ADGRA3: variants seen among roughly 807,000 people sequenced by gnomAD.
The protein encoded by ADGRA3 is adhesion G protein-coupled receptor A3.
In ADGRA3, 56 loss-of-function variants were observed where a neutral mutation model predicts 119.8. The observed-to-expected ratio is 0.47, with a 90% CI of 0.38 to 0.58. The LOEUF is 0.58. ADGRA3 is among the 20% of genes least tolerant of loss of function. The pLI, the probability that ADGRA3 is intolerant of heterozygous loss-of-function variation, is 0.00. For missense variants in ADGRA3, 1,516 were observed against 1,649.0 expected (o/e 0.92, Z 1.40); for synonymous variants, 607 against 623.8 (o/e 0.97, Z 0.40).
At chr4:22,493,627 A>G (rs934605951) in intron 1 of ADGRA3, among the ~76,000 whole-genome samples, 14 of 152,066 alleles carry the variant, frequency 9.2e-5, no homozygotes, top group Admixed American at 7.9e-4. Context: ...AGGACTTTTT[A>G]CCGAAGGTGG....
At chr4:22,404,635 C>G (rs950415354) in intron 14 of ADGRA3, among the ~76,000 whole-genome samples, 3 of 152,172 alleles carry the variant, frequency 2.0e-5, no homozygotes, top group African/African-American at 7.2e-5. Context: ...CAGTTCCAAC[C>G]CTTGGAGGCC....
chr4:22,455,789 T>C (rs754038679), intron 3 of ADGRA3: 35 of 1,284,518 alleles, frequency 2.7e-5, no homozygotes, highest in Non-Finnish European at 3.4e-5. Flanking sequence ...AGATAACCAC[T>C]GACAATATCT....
chr4:22,511,895 C>CTTTTTTTTTTT (rs5856700), intron 1 of ADGRA3, among the ~76,000 whole-genome samples: 18 of 102,614 alleles, frequency 1.8e-4, no homozygotes, highest in Admixed American at 2.5e-4. Context: ...TTCTTTCTTT[C>CTTTTTTTTTTT]TTTTTTTTTT....
At position 22,424,176 on chromosome 4, in the gene ADGRA3, T is replaced by C; in HGVS notation, c.1605+15A>G. 1 of 1,595,958 alleles carries C rather than the reference T, an allele frequency of 6.3e-7. No individual in the cohort carries two copies. Among genetic ancestry groups the C allele is most frequent in the African/African-American group, 1.3e-5 (1 of 74,730 alleles). On this transcript the variant is annotated intron_variant, in intron 11 of 18. Transcript: ENST00000334304. ...CACTTTTTTTCTCAGGAGTCTATGA[T>C]AATGTTACACTTACTGTTGAATAAA...
Position 22,387,704 on chromosome 4 carries a change from G to A in ADGRA3, c.*1C>T. On this transcript the variant is annotated 3_prime_UTR_variant, in exon 19 of 19. Transcript: ENST00000334304. ...ATTTCTGCCTAGGAAGCCCAGCAAT[G>A]TTACACAGTAGTTTCGTGTTTCCAT... 1 of 1,596,900 alleles carries A rather than the reference G, an allele frequency of 6.3e-7. No homozygotes were observed. The highest frequency in any genetic ancestry group is 8.5e-7 in the Non-Finnish European group (1 of 1,169,776).
At chr4:22,402,450 C>A (rs975820078) in intron 15 of ADGRA3, among the ~76,000 whole-genome samples, 14 of 152,066 alleles carry the variant, frequency 9.2e-5, no homozygotes, top group Admixed American at 8.5e-4. Flanking sequence ...TAGATACAAA[C>A]CCAGCAAACT....
intron 1 of ADGRA3, among the ~76,000 whole-genome samples, chr4:22,502,503 G>A (rs1719082514): frequency 6.6e-6 from 1 of 152,128 alleles, no homozygotes; most frequent in African/African-American, 2.4e-5. Context: ...TGAAGAGGAT[G>A]GATTCAAGCT....
chr4:22,402,856 G>T, intron 14 of ADGRA3, 57 bp from the exon 15 acceptor site: 2 of 1,546,246 alleles, frequency 1.3e-6, no homozygotes, highest in South Asian at 1.2e-5. Flanking sequence ...TTTAACTACT[G>T]AGATTTTTTT....
intron 15 of ADGRA3, 30 bp from the exon 16 acceptor site, chr4:22,401,584 T>G (rs1372762486): frequency 1.3e-6 from 2 of 1,561,942 alleles, no homozygotes; most frequent in Admixed American, 3.4e-5. Context: ...AATATTAATA[T>G]TCAGGCTAGT....
Position 22,413,208 on chromosome 4 carries a change from A to T in ADGRA3, c.2206T>A (p.Ser736Thr). 6.2e-6 allele frequency: 10 copies of T among 1,613,684 alleles called. No homozygotes were observed. Among genetic ancestry groups the T allele is most frequent in the Non-Finnish European group, 8.5e-6 (10 of 1,179,618 alleles). Residue 736 changes from serine to threonine, a missense_variant, in exon 14 of 19, where the codon TCC becomes ACC. Transcript: ENST00000334304. ...ATTAAAACTGCATAGTTACTAAGGG[A>T]GTAGCACTGAATCGTAGTGATATTT... ...DENITTIQCY[S>T]LSNYAVLMDL...
chr4:22,424,475 C>T (rs1715851514), intron 10 of ADGRA3, 123 bp from the exon 11 acceptor site: 4 of 983,990 alleles, frequency 4.1e-6, no homozygotes, highest in South Asian at 3.4e-5. Flanking sequence ...GAGAACCCAA[C>T]AGGCACTTTA....
chr4:22,392,912 C>T (rs1285960193), intron 16 of ADGRA3: 1 of 464,988 alleles, frequency 2.2e-6, no homozygotes, highest in East Asian at 3.5e-5. Context: ...CTAGGAAGCC[C>T]ACAAACTACC....
At chr4:22,477,285 C>T (rs1436234214) in intron 1 of ADGRA3, among the ~76,000 whole-genome samples, 5 of 152,200 alleles carry the variant, frequency 3.3e-5, no homozygotes, top group Admixed American at 6.5e-5. Context: ...GTTTTAACTG[C>T]GACCCCACAA....
chr4:22,491,619 C>G (rs978874512), intron 1 of ADGRA3, among the ~76,000 whole-genome samples: 1 of 152,102 alleles, frequency 6.6e-6, no homozygotes, highest in Non-Finnish European at 1.5e-5. Flanking sequence ...TCTGATCATC[C>G]CGTACTGCCT....
intron 14 of ADGRA3, among the ~76,000 whole-genome samples, chr4:22,410,477 T>C (rs1442370113): frequency 6.6e-6 from 1 of 152,162 alleles, no homozygotes; most frequent in Non-Finnish European, 1.5e-5. Context: ...ACAAGTATAT[T>C]CTTTATGTCG....
In ADGRA3 at chr4:22,392,597, T is replaced by C. The variant is rs1033366450; in HGVS notation, c.2575A>G (p.Lys859Glu). Residue 859 changes from lysine (K) to glutamate (E), a missense_variant, in exon 17 of 19, where the codon AAA becomes GAA. Lys to Glu is a moderately conservative substitution (Grantham distance 56, BLOSUM62 1). This residue lies in a region of ADGRA3 where 1,088 missense variants were observed against 1,107.1 expected (regional missense o/e 0.98). Coordinates refer to ENST00000334304, the MANE Select transcript of ADGRA3 (RefSeq NM_145290.4). ...GGTTCATCAGGATCCTGGCATCTTTTAGCTTTTTTAGTGACTTGTTTGTAG... is the reference window on the plus strand; with the variant it reads ...GGTTCATCAGGATCCTGGCATCTTTCAGCTTTTTTAGTGACTTGTTTGTAG... ...NIYKQVTKKA[K>E]RCQDPDEPPP... 2.0e-5 allele frequency: 33 copies of C among 1,614,048 alleles called. No individual in the cohort carries two copies. Among genetic ancestry groups the C allele is most frequent in the Middle Eastern group, 1.7e-4 (1 of 6,060 alleles).
At chr4:22,478,616 G>A (rs1173498900) in intron 1 of ADGRA3, among the ~76,000 whole-genome samples, 1 of 152,170 alleles carries the variant, frequency 6.6e-6, no homozygotes, top group Non-Finnish European at 1.5e-5. Context: ...ACCTGTGAAT[G>A]TGAAACTGTG....
rs548513623 is a variant in ADGRA3 at position 22,416,837 on chromosome 4, G to A, written c.1810-3023C>T. ...TCATCTATATTTCACTATTTACAAT[G>A]ACACTAAGCTAAAAGGAAAATGATA... On this transcript the variant is annotated intron_variant, in intron 12 of 18. Transcript: ENST00000334304. 1.5e-4 allele frequency among the ~76,000 whole-genome samples: 23 copies of A among 152,154 alleles called. No homozygotes were observed. The East Asian group carries it at 4.3e-3, about 28-fold the overall frequency.
rs149871851 is a variant in ADGRA3, at chr4:22,463,537, C to A, written c.330-1729G>T. On this transcript the variant is annotated intron_variant, in intron 2 of 18. Coordinates refer to ENST00000334304, the MANE Select transcript of ADGRA3 (RefSeq NM_145290.4). Reference sequence around the variant, plus strand: ...GAAAGCAGCGGGCATCCCTTCTCTACCTATGCTCCAAGGAAGTCTGGCTGC... The same window carrying A: ...GAAAGCAGCGGGCATCCCTTCTCTAACTATGCTCCAAGGAAGTCTGGCTGC... Among the ~76,000 whole-genome samples, 957 of 152,256 alleles carry A rather than the reference C, an allele frequency of 6.3e-3. 12 individuals carry two copies. The highest frequency in any genetic ancestry group is 0.021 in the African/African-American group (893 of 41,572).
Sources: allele counts gnomAD v4.1 joint callset (sites outside exome capture counted in the v4.1 genomes callset), GRCh38; gene constraint gnomAD v4.1.1; regional missense constraint gnomAD v4.1.1; transcripts MANE v1.5; gene names NCBI Gene and HGNC (gene_info 2026-07-23, HGNC 2026-07-21).